FRMD6: variants seen among roughly 807,000 people sequenced by gnomAD.
FRMD6 encodes FERM domain-containing protein 6.
In FRMD6, 37 loss-of-function variants were observed where a neutral mutation model predicts 73.2. That is an observed-to-expected ratio of 0.51 (90% CI 0.39 to 0.66). FRMD6 has a LOEUF of 0.66. FRMD6 is among the 30% of genes least tolerant of loss of function. FRMD6 has a pLI of 0.00. For missense variants in FRMD6, 714 were observed against 780.5 expected (o/e 0.91, Z 1.02); for synonymous variants, 273 against 282.2 (o/e 0.97, Z 0.33).
chr14:51,554,406 C>A (rs569737930), intron 1 of FRMD6, among the ~76,000 whole-genome samples: 1 of 152,260 alleles, frequency 6.6e-6, no homozygotes, highest in African/African-American at 2.4e-5. Flanking sequence ...ATAGTAACTT[C>A]CTTCCAAAGA....
chr14:51,436,328 A>C, the FRMD6 span: 6 of 381,328 alleles, frequency 1.6e-5, no homozygotes, highest in Non-Finnish European at 3.0e-5. Context: ...GGGTAACAAC[A>C]TTTGTTAACC....
In FRMD6 at chr14:51,728,059, C is replaced by T; in HGVS notation, c.*30C>T. The T allele has an allele frequency of 1.3e-6, 2 of 1,580,536 alleles. No homozygotes were observed. The highest frequency in any genetic ancestry group is 1.3e-5 in the African/African-American group (1 of 74,314). On this transcript the variant is annotated 3_prime_UTR_variant, in exon 14 of 14. Transcript: ENST00000344768. ...CGTCTGTGTGCAGCTGTACAGGCAG[C>T]TTACTGTTTGCTAGAGGATGCGAAA...
chr14:51,541,466 A>C (rs1886197661), intron 1 of FRMD6, among the ~76,000 whole-genome samples: 1 of 152,114 alleles, frequency 6.6e-6, no homozygotes, highest in Non-Finnish European at 1.5e-5. Flanking sequence ...AGTAAAATGA[A>C]ATAAAAACAG....
chr14:51,663,539 AT>A (rs1195270013), intron 1 of FRMD6, among the ~76,000 whole-genome samples: 2 of 152,170 alleles, frequency 1.3e-5, no homozygotes, highest in African/African-American at 4.8e-5. Context: ...GTTCTCACTT[AT>A]GTGGGAGCTT....
intron 3 of FRMD6, among the ~76,000 whole-genome samples, chr14:51,699,842 G>A (rs978608944): frequency 6.6e-6 from 1 of 151,964 alleles, no homozygotes; most frequent in Non-Finnish European, 1.5e-5. Context: ...GTTTCGACAG[G>A]AAGATTGTCT....
At chr14:51,484,373 G>T (rs1056202489), upstream of FRMD6, among the ~76,000 whole-genome samples, 2 of 152,152 alleles carry the variant, frequency 1.3e-5, no homozygotes, top group Admixed American at 6.5e-5. Context: ...TAACCATCAA[G>T]AAAACTTGAC....
At chr14:51,719,958 A>C in intron 10 of FRMD6, 97 bp from the exon 11 acceptor site, 1 of 880,530 alleles carries the variant, frequency 1.1e-6, no homozygotes. Context: ...CTAGATTCTG[A>C]ATTTGAAGTT....
intron 1 of FRMD6, among the ~76,000 whole-genome samples, chr14:51,538,080 C>A (rs960766081): frequency 6.6e-6 from 1 of 152,118 alleles, no homozygotes. Context: ...GTCATCACTG[C>A]ACCCAAGGTC....
intron 2 of FRMD6, among the ~76,000 whole-genome samples, chr14:51,623,864 G>C (rs530764845): frequency 2.0e-5 from 3 of 152,166 alleles, no homozygotes; most frequent in Non-Finnish European, 4.4e-5. Flanking sequence ...GCAAAAAGAT[G>C]CTGTATGTCA....
At chr14:51,484,824 CA>C (rs2140148690), upstream of FRMD6, among the ~76,000 whole-genome samples, 1 of 152,318 alleles carries the variant, frequency 6.6e-6, no homozygotes, top group East Asian at 1.9e-4. Flanking sequence ...TATCCAACTG[CA>C]ATGTCCATCA....
Position 51,694,061 on chromosome 14 carries a change from T to A in FRMD6, c.100-4081T>A, listed in dbSNP as rs150757163. ...ATTTCTCTCTCTATAACAATGAAAG[T>A]TTGTTCCCTGACAGGTGTGGTTGAT... On this transcript the variant is annotated intron_variant, in intron 2 of 13. Coordinates refer to ENST00000344768, the MANE Select transcript of FRMD6 (RefSeq NM_001267046.2). Among the ~76,000 whole-genome samples the A allele has an allele frequency of 2.0e-5, 3 of 152,334 alleles. No individual in the cohort carries two copies. The East Asian group carries it at 5.8e-4, about 29-fold the overall frequency.
chr14:51,666,738 T>G (rs1263342540), intron 1 of FRMD6, among the ~76,000 whole-genome samples: 1 of 152,238 alleles, frequency 6.6e-6, no homozygotes, highest in East Asian at 1.9e-4. Flanking sequence ...GCGTTAGTGA[T>G]AAACAAAATT....
chr14:51,549,744 C>T (rs984443305), intron 1 of FRMD6, among the ~76,000 whole-genome samples: 12 of 151,764 alleles, frequency 7.9e-5, no homozygotes, highest in East Asian at 3.9e-4. Flanking sequence ...TACAGGCGCC[C>T]GCCGCCTCGC....
At chr14:51,397,587 G>A in the FRMD6 span, among the ~76,000 whole-genome samples, 3 of 152,318 alleles carry the variant, frequency 2.0e-5, no homozygotes, top group East Asian at 5.8e-4. Flanking sequence ...GGGCATAAGT[G>A]TGTTGTACTT....
intron 1 of FRMD6, among the ~76,000 whole-genome samples, chr14:51,657,414 T>C (rs1028295519): frequency 5.3e-5 from 8 of 152,236 alleles, no homozygotes; most frequent in African/African-American, 1.9e-4. Flanking sequence ...TATGCTGACT[T>C]TTATTGTCAT....
intron 1 of FRMD6, among the ~76,000 whole-genome samples, chr14:51,521,679 A>T (rs1237754817): frequency 6.6e-6 from 1 of 152,104 alleles, no homozygotes; most frequent in Non-Finnish European, 1.5e-5. Context: ...CTATGCAAGA[A>T]GTAGGTCTTA....
At chr14:51,413,261 C>A in the FRMD6 span, among the ~76,000 whole-genome samples, 1 of 152,114 alleles carries the variant, frequency 6.6e-6, no homozygotes, top group African/African-American at 2.4e-5. Context: ...CTGCACTCAT[C>A]AACTCGTCAT....
At chr14:51,396,859 T>C in the FRMD6 span, 1 of 152,186 alleles carries the variant, frequency 6.6e-6, no homozygotes, top group Non-Finnish European at 1.5e-5. Flanking sequence ...ACAACCTCCT[T>C]TTTTATATGT....
At chr14:51,453,418 T>G in the FRMD6 span, among the ~76,000 whole-genome samples, 1 of 151,996 alleles carries the variant, frequency 6.6e-6, no homozygotes, top group Admixed American at 6.6e-5. Flanking sequence ...CGGAGAAGAC[T>G]GAGAAATGAG....
Sources: gnomAD v4.1 joint callset for allele counts (sites outside exome capture counted in the v4.1 genomes callset) on GRCh38, gnomAD v4.1.1 for gene constraint, MANE v1.5 for transcripts, NCBI Gene and HGNC (gene_info 2026-07-23, HGNC 2026-07-21) for gene names.